Variants in WWOX observed in about 807,000 individuals in gnomAD.
The protein encoded by WWOX is WW domain containing oxidoreductase, also known as WW domain-containing oxidoreductase.
In WWOX, 69 loss-of-function variants were observed where a neutral mutation model predicts 46.2. The observed-to-expected ratio is 1.49, with a 90% CI of 1.23 to 1.82. WWOX has a LOEUF of 1.82. Among genes scored for constraint, WWOX ranks in the 40% most tolerant of loss-of-function variants. WWOX has a pLI of 0.00. For synonymous variants in WWOX, 359 were observed against 202.6 expected (o/e 1.77, Z -6.56); for missense variants, 919 against 542.6 (o/e 1.69, Z -6.89).
At chr16:78,493,493 A>G (rs2084837294) in intron 8 of WWOX, among the ~76,000 whole-genome samples, 1 of 152,250 alleles carries the variant, frequency 6.6e-6, no homozygotes, top group Non-Finnish European at 1.5e-5. Flanking sequence ...TTAACAGCAC[A>G]GAAGAGCAAT....
At chr16:78,932,222 C>A (rs1013237038) in intron 8 of WWOX, among the ~76,000 whole-genome samples, 5 of 152,164 alleles carry the variant, frequency 3.3e-5, no homozygotes, top group African/African-American at 1.2e-4. Context: ...TTTCTAAGCT[C>A]CTCATAAAGT....
intron 8 of WWOX, among the ~76,000 whole-genome samples, chr16:79,067,655 A>C (rs2048467790): frequency 6.6e-6 from 1 of 151,370 alleles, no homozygotes. Flanking sequence ...GGCACTTATC[A>C]CCACCTGCAT....
chr16:79,150,524 C>G (rs1419694130), intron 8 of WWOX, among the ~76,000 whole-genome samples: 4 of 152,176 alleles, frequency 2.6e-5, no homozygotes, highest in African/African-American at 9.7e-5. Flanking sequence ...GTGTGCATGC[C>G]TCATCTCTAA....
chr16:79,112,908 G>A (rs1158358993), intron 8 of WWOX, among the ~76,000 whole-genome samples: 9 of 152,150 alleles, frequency 5.9e-5, no homozygotes, highest in African/African-American at 1.4e-4. Context: ...TCTGTGCAGC[G>A]CAGCTCAGCA....
At chr16:78,669,012 C>G (rs1184964078) in intron 8 of WWOX, among the ~76,000 whole-genome samples, 1 of 152,142 alleles carries the variant, frequency 6.6e-6, no homozygotes, top group Non-Finnish European at 1.5e-5. Context: ...TGAGGTTGAC[C>G]TTCAGAACGG....
At chr16:78,429,762 C>A (rs1456382782) in intron 7 of WWOX, among the ~76,000 whole-genome samples, 2 of 152,058 alleles carry the variant, frequency 1.3e-5, no homozygotes, top group Non-Finnish European at 2.9e-5. Context: ...CTTACATGCA[C>A]AAATATATTT....
chr16:78,204,772 G>A (rs2036340250), intron 5 of WWOX, among the ~76,000 whole-genome samples: 1 of 152,134 alleles, frequency 6.6e-6, no homozygotes, highest in South Asian at 2.1e-4. Flanking sequence ...GAAATATGAG[G>A]GGAGGAGAGA....
chr16:78,513,495 T>C (rs1449355157), intron 8 of WWOX, among the ~76,000 whole-genome samples: 1 of 152,206 alleles, frequency 6.6e-6, no homozygotes, highest in Non-Finnish European at 1.5e-5. Flanking sequence ...TCATGTATCT[T>C]ACTGTATGAT....
rs554709716 is a variant in WWOX at position 78,871,638 on chromosome 16, T to A, written c.1057-339970T>A. Among the ~76,000 whole-genome samples the A allele has an allele frequency of 7.2e-5, 11 of 152,326 alleles. No homozygotes were observed. In the South Asian group the frequency reaches 2.3e-3, roughly 32 times the overall value. ...TCTAGAGAAATGGCTATTACCAGGT[T>A]GCTCAGGCTGGAGTGCAGTAGTGCA... On this transcript the variant is annotated intron_variant, in intron 8 of 8. Transcript: ENST00000566780.
At chr16:78,743,541 A>G (rs2049279982) in intron 8 of WWOX, among the ~76,000 whole-genome samples, 1 of 152,184 alleles carries the variant, frequency 6.6e-6, no homozygotes, top group Non-Finnish European at 1.5e-5. Flanking sequence ...TTGACTTTGT[A>G]TAATTAAATC....
At position 78,691,609 on chromosome 16, in the gene WWOX, G is replaced by C. The variant is rs185847104; in HGVS notation, c.1056+258857G>C. Among the ~76,000 whole-genome samples, 408 of 152,278 alleles carry C rather than the reference G, an allele frequency of 2.7e-3. 3 individuals carry two copies. The highest frequency in any genetic ancestry group is 4.3e-3 in the Admixed American group (65 of 15,286). ...TGAAGTCCCAGCTAACTGGGAGTCT[G>C]AGGCAAGGAAATTGTTTGAGCCTAG... On this transcript the variant is annotated intron_variant, in intron 8 of 8. Coordinates refer to ENST00000566780, the MANE Select transcript of WWOX (RefSeq NM_016373.4).
chr16:78,195,517 A>G lies in WWOX; in HGVS notation c.516+31228A>G, dbSNP rs185404066. ...AAGATTGCAGATGCAGGCTGGACACATTAGTGATTTCTAAGTGCTAAGAAA... is the reference window on the plus strand; with the variant it reads ...AAGATTGCAGATGCAGGCTGGACACGTTAGTGATTTCTAAGTGCTAAGAAA... On this transcript the variant is annotated intron_variant, in intron 5 of 8. Transcript: ENST00000566780. Among the ~76,000 whole-genome samples the G allele has an allele frequency of 3.3e-5, 5 of 152,088 alleles. No homozygotes were observed. The South Asian group carries it at 6.3e-4, about 19-fold the overall frequency.
chr16:79,033,207 T>C (rs962866928), intron 8 of WWOX, among the ~76,000 whole-genome samples: 7 of 86,242 alleles, frequency 8.1e-5, no homozygotes, highest in Non-Finnish European at 1.3e-4. Flanking sequence ...TAAATATGTG[T>C]ATATATATAT....
At chr16:78,199,992 A>G (rs2036183636) in intron 5 of WWOX, among the ~76,000 whole-genome samples, 1 of 152,266 alleles carries the variant, frequency 6.6e-6, no homozygotes. Flanking sequence ...TCGCTTCAGT[A>G]GAAATCACCA....
intron 8 of WWOX, among the ~76,000 whole-genome samples, chr16:78,600,446 A>C (rs890362869): frequency 2.6e-5 from 4 of 152,080 alleles, no homozygotes; most frequent in Non-Finnish European, 5.9e-5. Flanking sequence ...TTTTTATGTG[A>C]AGTCATCTCC....
intron 8 of WWOX, among the ~76,000 whole-genome samples, chr16:79,024,644 C>G (rs373329708): frequency 3.3e-5 from 5 of 151,996 alleles, no homozygotes; most frequent in African/African-American, 1.2e-4. Flanking sequence ...ACCATGTTAG[C>G]CAGGATGGTC....
chr16:78,410,317 A>T (rs753219456), intron 6 of WWOX, among the ~76,000 whole-genome samples: 2 of 152,206 alleles, frequency 1.3e-5, no homozygotes, highest in African/African-American at 4.8e-5. Flanking sequence ...AGCTTAACAC[A>T]CAAGGTCTTA....
intron 8 of WWOX, among the ~76,000 whole-genome samples, chr16:78,979,312 A>G (rs764259645): frequency 2.0e-5 from 3 of 152,036 alleles, no homozygotes; most frequent in Non-Finnish European, 4.4e-5. Context: ...TCTAACCTTT[A>G]TAGTTTTTTT....
rs555374404 is a variant in WWOX at position 78,618,600 on chromosome 16, G to C, written c.1056+185848G>C. Among the ~76,000 whole-genome samples the C allele has an allele frequency of 7.2e-5, 11 of 152,258 alleles. No individual in the cohort carries two copies. In the South Asian group the frequency reaches 2.3e-3, roughly 32 times the overall value. ...ACACAGTCACATTGTGAGGTACTGG[G>C]GGTTTGGGCTTCCACATACAAAGTC... On this transcript the variant is annotated intron_variant, in intron 8 of 8. Transcript: ENST00000566780.
Sources: allele counts gnomAD v4.1 joint callset (sites outside exome capture counted in the v4.1 genomes callset), GRCh38; gene constraint gnomAD v4.1.1; transcripts MANE v1.5; gene names NCBI Gene and HGNC (gene_info 2026-07-23, HGNC 2026-07-21).